Variants in CNTN3 observed in about 807,000 individuals in gnomAD.
The protein encoded by CNTN3 is contactin 3.
Under a neutral mutation model 119.1 loss-of-function variants are expected in CNTN3, and 60 were observed. The observed-to-expected ratio is 0.50, with a 90% confidence interval of 0.41 to 0.62. The LOEUF (loss-of-function observed/expected upper bound fraction) is 0.62, where lower values mean the gene tolerates loss of function less well. CNTN3 is among the 20% of genes least tolerant of loss of function. The pLI is 0.00. For missense variants in CNTN3, 1,101 were observed against 1,242.4 expected, an observed-to-expected ratio of 0.89 and a Z score of 1.71; for synonymous variants, 450 against 438.7, an observed-to-expected ratio of 1.03 and a Z score of -0.32.
intron 5 of CNTN3, among the ~76,000 whole-genome samples, chr3:74,422,504 C>A (rs1387850420): frequency 6.6e-6 from 1 of 152,182 alleles, no homozygotes; most frequent in Non-Finnish European, 1.5e-5. Flanking sequence ...GATGGGCTAA[C>A]AGTTCTCCAA....
At chr3:74,510,523 G>T (rs1256069947) in intron 2 of CNTN3, among the ~76,000 whole-genome samples, 1 of 152,058 alleles carries the variant, frequency 6.6e-6, no homozygotes, top group Admixed American at 6.6e-5. Flanking sequence ...ACCTCAGAGT[G>T]CTGAACTAAA....
At chr3:74,566,167 TG>T (rs1206456128) in intron 1 of CNTN3, among the ~76,000 whole-genome samples, 1 of 152,160 alleles carries the variant, frequency 6.6e-6, no homozygotes, top group African/African-American at 2.4e-5. Context: ...ACAGTTGTCC[TG>T]GCAGGAACGG....
intron 20 of CNTN3, among the ~76,000 whole-genome samples, chr3:74,276,049 G>A (rs532927891): frequency 6.6e-6 from 1 of 152,158 alleles, no homozygotes; most frequent in Non-Finnish European, 1.5e-5. Context: ...AAGATAAAGA[G>A]GGACATTATA....
At chr3:74,389,918 T>C (rs1021506159) in intron 5 of CNTN3, among the ~76,000 whole-genome samples, 2 of 152,178 alleles carry the variant, frequency 1.3e-5, no homozygotes, top group African/African-American at 4.8e-5. Context: ...TTACTCTCTC[T>C]GAAATAAATA....
chr3:74,438,414 T>C (rs1701907301), intron 4 of CNTN3, among the ~76,000 whole-genome samples: 1 of 152,250 alleles, frequency 6.6e-6, no homozygotes, highest in Admixed American at 6.5e-5. Context: ...GTTTTTGGAA[T>C]ACGGTAGGTG....
intron 21 of CNTN3, 143 bp downstream of exon 21, chr3:74,267,123 A>AT (rs1158337697): frequency 1.7e-6 from 1 of 582,034 alleles, no homozygotes; most frequent in Admixed American, 3.0e-5. Flanking sequence ...AAAATTACCC[A>AT]TTTTATGGAA....
In CNTN3 at chr3:74,298,266, G is replaced by A. The variant is rs1383728343; in HGVS notation, c.2167-75C>T. ...AAAATGAATGCAGCTGTAATCCACA[G>A]GCATTTATTTGTAAAAGTCATCAAA... On this transcript the variant is annotated intron_variant, in intron 17 of 22. Coordinates refer to ENST00000263665, the MANE Select transcript of CNTN3 (RefSeq NM_020872.3). 6 of 875,492 alleles carry A rather than the reference G, an allele frequency of 6.9e-6. No homozygotes were observed. The African/African-American group carries it at 1.0e-4, about 15-fold the overall frequency. The allele number at this position is 875,492 out of a possible 1,614,324, so 54.2% of individuals were successfully genotyped here.
rs745516221 is a variant in CNTN3, at chr3:74,285,291, C to G, written c.2704+14G>C. 15 of 1,584,516 alleles carry G rather than the reference C, an allele frequency of 9.5e-6. No homozygotes were observed. The East Asian group carries it at 2.0e-4, about 22-fold the overall frequency. ...TATTTTCCGTACCATTCAAAGAAAT[C>G]AGAATATACTTACGCGTTTTCTTGG... On this transcript the variant is annotated intron_variant, in intron 20 of 22. Coordinates refer to ENST00000263665, the MANE Select transcript of CNTN3 (RefSeq NM_020872.3).
chr3:74,299,779 C>A, intron 17 of CNTN3, 89 bp downstream of exon 17: 2 of 1,021,878 alleles, frequency 2.0e-6, no homozygotes, highest in Non-Finnish European at 2.9e-6. Flanking sequence ...ACCACCACCA[C>A]CTGCACCATT....
chr3:74,483,406 C>G (rs1472500623), intron 4 of CNTN3, among the ~76,000 whole-genome samples: 1 of 152,086 alleles, frequency 6.6e-6, no homozygotes, highest in African/African-American at 2.4e-5. Context: ...GAGAGGCAAT[C>G]TTCCACGTGC....
chr3:74,296,197 T>C (rs1702335038), intron 18 of CNTN3, among the ~76,000 whole-genome samples: 2 of 152,182 alleles, frequency 1.3e-5, no homozygotes, highest in Admixed American at 1.3e-4. Context: ...GATTCATTTT[T>C]CATGTTTGAA....
chr3:74,332,216 G>T (rs1703282236), intron 13 of CNTN3, among the ~76,000 whole-genome samples: 1 of 152,212 alleles, frequency 6.6e-6, no homozygotes, highest in African/African-American at 2.4e-5. Context: ...TGTGCATGCT[G>T]CAATGAATAC....
intron 1 of CNTN3, among the ~76,000 whole-genome samples, chr3:74,599,923 T>C (rs1314355638): frequency 6.6e-6 from 1 of 151,970 alleles, no homozygotes; most frequent in Non-Finnish European, 1.5e-5. Context: ...GAGAGAACAT[T>C]ATGTTGAACC....
At chr3:74,468,748 T>A (rs1702508264) in intron 4 of CNTN3, among the ~76,000 whole-genome samples, 1 of 152,168 alleles carries the variant, frequency 6.6e-6, no homozygotes, top group South Asian at 2.1e-4. Context: ...TTCTCTAGCA[T>A]AACAAACCTG....
At chr3:74,276,925 C>T (rs1701891725) in intron 20 of CNTN3, among the ~76,000 whole-genome samples, 1 of 151,930 alleles carries the variant, frequency 6.6e-6, no homozygotes, top group Non-Finnish European at 1.5e-5. Context: ...ATCCAAATAA[C>T]TTCACTAAGA....
intron 1 of CNTN3, among the ~76,000 whole-genome samples, chr3:74,595,726 C>A (rs1408635986): frequency 1.3e-5 from 2 of 152,082 alleles, no homozygotes; most frequent in Non-Finnish European, 2.9e-5. Flanking sequence ...AACCCACAGC[C>A]AATATCATAC....
chr3:74,264,976 A>G (rs1021474301), intron 22 of CNTN3, among the ~76,000 whole-genome samples: 6 of 152,118 alleles, frequency 3.9e-5, no homozygotes, highest in African/African-American at 1.4e-4. Context: ...TTCATCTACT[A>G]TTATTTAACT....
chr3:74,338,508 A>G (rs368810835), intron 11 of CNTN3, among the ~76,000 whole-genome samples: 6 of 122,954 alleles, frequency 4.9e-5, no homozygotes, highest in South Asian at 2.6e-4. Flanking sequence ...GTGTGTGTGT[A>G]TACACATATG....
intron 5 of CNTN3, among the ~76,000 whole-genome samples, chr3:74,379,920 TAGTG>T (rs1704573874): frequency 6.6e-6 from 1 of 152,170 alleles, no homozygotes; most frequent in African/African-American, 2.4e-5. Flanking sequence ...GAATGCGACA[TAGTG>T]AGAGCTGGAT....
Sources: allele counts gnomAD v4.1 joint callset (sites outside exome capture counted in the v4.1 genomes callset), GRCh38; gene constraint gnomAD v4.1.1; transcripts MANE v1.5; gene names NCBI Gene and HGNC (gene_info 2026-07-23, HGNC 2026-07-21).